C8A: variants seen among roughly 807,000 people sequenced by gnomAD.
C8A encodes the protein complement C8 alpha chain.
Under a neutral mutation model 65.3 loss-of-function variants are expected in C8A, and 67 were observed. The observed-to-expected ratio is 1.03, with a 90% CI of 0.84 to 1.26. C8A has a LOEUF of 1.26. C8A is among the 50% of genes most tolerant of loss of function. The probability of loss-of-function intolerance (pLI) is 0.00; values close to 1 mark genes in which losing one functional copy is unlikely to be tolerated. For missense variants in C8A, 781 were observed against 723.9 expected, an observed-to-expected ratio of 1.08 and a Z score of -0.90; for synonymous variants, 290 against 259.4, an observed-to-expected ratio of 1.12 and a Z score of -1.13.
At chr1:56,898,760 C>G (rs1222080113) in intron 7 of C8A, among the ~76,000 whole-genome samples, 2 of 152,120 alleles carry the variant, frequency 1.3e-5, no homozygotes, top group African/African-American at 4.8e-5. Context: ...TGGCCCACAG[C>G]AGAGACTCAG....
At chr1:56,914,134 A>T (rs141238996) in intron 10 of C8A, among the ~76,000 whole-genome samples, 216 of 152,354 alleles carry the variant, frequency 1.4e-3, no homozygotes, top group African/African-American at 5.1e-3. Flanking sequence ...AGAAAGACTC[A>T]GAAAGGACAA....
intron 1 of C8A, among the ~76,000 whole-genome samples, chr1:56,866,984 C>T (rs1304293893): frequency 6.6e-6 from 1 of 152,124 alleles, no homozygotes; most frequent in Non-Finnish European, 1.5e-5. Context: ...GGCTACTTAG[C>T]TTTTAGGAAT....
chr1:56,876,671 G>T (rs1368634248), intron 4 of C8A, among the ~76,000 whole-genome samples: 1 of 151,920 alleles, frequency 6.6e-6, no homozygotes, highest in Non-Finnish European at 1.5e-5. Context: ...AGACAGAGAG[G>T]GGCTTTAACC....
intron 1 of C8A, 32 bp from the exon 2 acceptor site, chr1:56,867,577 A>G (rs1386338409): frequency 2.0e-6 from 3 of 1,532,822 alleles, no homozygotes; most frequent in Non-Finnish European, 2.7e-6. Flanking sequence ...TTTGCATCTC[A>G]AAATTGATGC....
In C8A at chr1:56,867,656, G is replaced by A. The variant is rs1243071112; in HGVS notation, c.125G>A (p.Ser42Asn). ...CCCGCAGCAGTTACCTGCCAGCTGAGCAACTGGTCAGAGTGGACAGATTGC... is the reference window on the plus strand; with the variant it reads ...CCCGCAGCAGTTACCTGCCAGCTGAACAACTGGTCAGAGTGGACAGATTGC... ...ATPAAVTCQL[S>N]NWSEWTDCFP... Residue 42 changes from serine (S) to asparagine (N), a missense_variant, in exon 2 of 11, where the codon AGC becomes AAC. Coordinates refer to ENST00000361249, the MANE Select transcript of C8A (RefSeq NM_000562.3). The A allele has an allele frequency of 1.2e-6, 2 of 1,613,982 alleles. No individual in the cohort carries two copies. The highest frequency in any genetic ancestry group is 4.5e-5 in the East Asian group (2 of 44,870).
At chr1:56,912,313 G>C (rs2101310192) in intron 9 of C8A, 90 bp from the exon 10 acceptor site, 2 of 1,187,968 alleles carry the variant, frequency 1.7e-6, no homozygotes, top group South Asian at 2.5e-5. Flanking sequence ...GCATGTATCA[G>C]GCCTTCCAGA....
At position 56,874,947 on chromosome 1, in the gene C8A, A is replaced by G. The variant is rs770385213; in HGVS notation, c.172-2A>G. ...ATGTGTCTTGTTCAAAATCTGGTTT[A>G]GTACCGACACCGGAGCCTCTTGCAG... On this transcript the variant is annotated splice_acceptor_variant, in intron 2 of 10. Coordinates refer to ENST00000361249, the MANE Select transcript of C8A (RefSeq NM_000562.3). LOFTEE classifies it high-confidence loss of function. 22 of 1,613,450 alleles carry G rather than the reference A, an allele frequency of 1.4e-5. No homozygotes were observed. Among genetic ancestry groups the G allele is most frequent in the Admixed American group, 1.7e-5 (1 of 59,954 alleles).
chr1:56,902,617 C>G (rs1317309998), intron 7 of C8A, among the ~76,000 whole-genome samples: 2 of 152,124 alleles, frequency 1.3e-5, no homozygotes, highest in African/African-American at 4.8e-5. Flanking sequence ...ATAATTGAGA[C>G]TTTATGGTCA....
intron 5 of C8A, 34 bp downstream of exon 5, chr1:56,881,668 TG>T (rs750219669): frequency 1.9e-6 from 3 of 1,586,322 alleles, no homozygotes; most frequent in East Asian, 4.5e-5. Context: ...GAGGCCACTG[TG>T]GTGTAGGTGG....
chr1:56,896,372 C>A (rs1369289596), intron 7 of C8A, among the ~76,000 whole-genome samples: 1 of 152,116 alleles, frequency 6.6e-6, no homozygotes, highest in African/African-American at 2.4e-5. Context: ...AGAACCTGGG[C>A]AGCCAGTGAT....
chr1:56,889,274 C>A (rs1041758619), intron 7 of C8A, among the ~76,000 whole-genome samples: 2 of 152,054 alleles, frequency 1.3e-5, no homozygotes, highest in African/African-American at 2.4e-5. Flanking sequence ...TGCTGGAGAC[C>A]GCTAATAAAT....
chr1:56,879,177 T>TA (rs912914683), intron 4 of C8A, among the ~76,000 whole-genome samples: 4 of 151,684 alleles, frequency 2.6e-5, no homozygotes, highest in Non-Finnish European at 5.9e-5. Flanking sequence ...GGCTCTTTAT[T>TA]AAAAAAAAAT....
chr1:56,872,508 T>C (rs74075630), intron 2 of C8A, among the ~76,000 whole-genome samples: 1 of 152,272 alleles, frequency 6.6e-6, no homozygotes, highest in African/African-American at 2.4e-5. Flanking sequence ...ATAAGATCTA[T>C]ATGAGTTTAA....
chr1:56,885,426 A>ACGT (rs1644289209), intron 6 of C8A, among the ~76,000 whole-genome samples: 2 of 115,484 alleles, frequency 1.7e-5, no homozygotes, highest in Non-Finnish European at 1.6e-5. Context: ...ATATATATTT[A>ACGT]AATATATATT....
chr1:56,898,766 C>T (rs116499187), intron 7 of C8A, among the ~76,000 whole-genome samples: 2 of 152,208 alleles, frequency 1.3e-5, no homozygotes, highest in South Asian at 4.2e-4. Flanking sequence ...ACAGCAGAGA[C>T]TCAGCGTCTT....
chr1:56,870,174 G>A (rs1053204108), intron 2 of C8A, among the ~76,000 whole-genome samples: 1 of 152,048 alleles, frequency 6.6e-6, no homozygotes, highest in Non-Finnish European at 1.5e-5. Flanking sequence ...CAACAGAAAT[G>A]TATTCTCTTA....
rs1270360528 is a variant in C8A, at chr1:56,883,197, T to C, written c.655-284T>C. Among the ~76,000 whole-genome samples the C allele has an allele frequency of 2.0e-5, 3 of 151,518 alleles. No individual in the cohort carries two copies. The East Asian group carries it at 5.9e-4, about 30-fold the overall frequency. On this transcript the variant is annotated intron_variant, in intron 5 of 10. Coordinates refer to ENST00000361249, the MANE Select transcript of C8A (RefSeq NM_000562.3). ...AAAGAAATCCACGCTCAGAGCAATA[T>C]AGCATTTGATCAGAATCATCTGCAT...
At chr1:56,910,061 G>A (rs1468032988) in intron 9 of C8A, among the ~76,000 whole-genome samples, 1 of 152,142 alleles carries the variant, frequency 6.6e-6, no homozygotes, top group East Asian at 1.9e-4. Flanking sequence ...GGGAAATAAA[G>A]GGTGATTTGA....
At position 56,896,229 on chromosome 1, in the gene C8A, A is replaced by G. The variant is rs149711036; in HGVS notation, c.1096+10062A>G. On this transcript the variant is annotated intron_variant, in intron 7 of 10. Coordinates refer to ENST00000361249, the MANE Select transcript of C8A (RefSeq NM_000562.3). ...TTATTTATCTTTATATAAAATGTAT[A>G]TATAATATAGAGATTTATTACAATG... Among the ~76,000 whole-genome samples, 1,356 of 152,242 alleles carry G rather than the reference A, an allele frequency of 8.9e-3. 52 individuals are homozygous for G. The South Asian group carries it at 0.12, about 13-fold the overall frequency.
Sources: allele counts gnomAD v4.1 joint callset (sites outside exome capture counted in the v4.1 genomes callset), GRCh38; gene constraint gnomAD v4.1.1; transcripts MANE v1.5; gene names NCBI Gene and HGNC (gene_info 2026-07-23, HGNC 2026-07-21).